LRP1B: variants seen among roughly 807,000 people sequenced by gnomAD.
The protein encoded by LRP1B is low-density lipoprotein receptor-related protein 1B.
In LRP1B, 217 loss-of-function variants were observed where a neutral mutation model predicts 556.6. That is an observed-to-expected ratio of 0.39 (90% CI 0.35 to 0.44). The LOEUF (loss-of-function observed/expected upper bound fraction) is 0.44. Ranked by LOEUF, LRP1B falls within the 20% of genes least tolerant of loss-of-function variation. LRP1B has a pLI of 1.00. For missense variants in LRP1B, 5,053 were observed against 5,620.8 expected (o/e 0.90, Z 3.23); for synonymous variants, 2,047 against 1,865.8 (o/e 1.10, Z -2.50).
chr2:140,480,814 G>C (rs1300640555), intron 59 of LRP1B, among the ~76,000 whole-genome samples: 5 of 152,136 alleles, frequency 3.3e-5, no homozygotes, highest in Admixed American at 1.3e-4. Context: ...AGGCATGCTG[G>C]TAACGATCTA....
chr2:141,329,371 A>G (rs998641368), intron 3 of LRP1B, among the ~76,000 whole-genome samples: 6 of 138,116 alleles, frequency 4.3e-5, no homozygotes, highest in African/African-American at 1.7e-4. Context: ...CTGGGGGACA[A>G]GAGCAAAACT....
intron 7 of LRP1B, among the ~76,000 whole-genome samples, chr2:141,175,128 G>T (rs1035946395): frequency 3.3e-5 from 5 of 152,080 alleles, no homozygotes; most frequent in African/African-American, 1.2e-4. Context: ...GTGTGAGTTT[G>T]TATGTGTGAA....
chr2:141,450,775 A>G (rs529935147), intron 3 of LRP1B, among the ~76,000 whole-genome samples: 1 of 152,218 alleles, frequency 6.6e-6, no homozygotes, highest in Admixed American at 6.5e-5. Flanking sequence ...TCTACTTGGT[A>G]AAAGATAACT....
chr2:141,397,587 T>C (rs1559048494), intron 3 of LRP1B, among the ~76,000 whole-genome samples: 1 of 152,066 alleles, frequency 6.6e-6, no homozygotes, highest in African/African-American at 2.4e-5. Flanking sequence ...AAAAGGCAAC[T>C]ATTATATTCA....
chr2:141,897,412 G>A (rs999652541), intron 1 of LRP1B, among the ~76,000 whole-genome samples: 4 of 152,144 alleles, frequency 2.6e-5, no homozygotes, highest in Non-Finnish European at 5.9e-5. Flanking sequence ...GCCTCATCAA[G>A]TAGTACCAGG....
chr2:141,232,555 G>A (rs1438862399), intron 5 of LRP1B, among the ~76,000 whole-genome samples: 2 of 152,184 alleles, frequency 1.3e-5, no homozygotes, highest in Non-Finnish European at 2.9e-5. Context: ...AGATGCAAAT[G>A]GGTTCATGGT....
At chr2:141,092,480 G>C (rs1388610371) in intron 7 of LRP1B, among the ~76,000 whole-genome samples, 2 of 152,172 alleles carry the variant, frequency 1.3e-5, no homozygotes, top group Non-Finnish European at 2.9e-5. Flanking sequence ...CTGAAAGTCA[G>C]GGAAGAGGTC....
At position 142,049,333 on chromosome 2, in the gene LRP1B, A is replaced by G. The variant is rs191503407; in HGVS notation, c.82+81315T>C. Among the ~76,000 whole-genome samples the G allele has an allele frequency of 3.0e-3, 454 of 152,216 alleles. 3 individuals are homozygous for G. Among genetic ancestry groups the G allele is most frequent in the African/African-American group, 9.7e-3 (403 of 41,568 alleles). On this transcript the variant is annotated intron_variant, in intron 1 of 90. Coordinates refer to ENST00000389484, the MANE Select transcript of LRP1B (RefSeq NM_018557.3). ...TTGTCTGAATTTTTCTTTTCTTTCC[A>G]CTACTCTTATATCTTGCTTACATCC...
chr2:141,339,304 A>AAAAAAG (rs200901134), intron 3 of LRP1B, among the ~76,000 whole-genome samples: 5 of 101,932 alleles, frequency 4.9e-5, no homozygotes, highest in African/African-American at 1.3e-4. Flanking sequence ...GTAACGCAAA[A>AAAAAAG]AAAAAAAAAA....
intron 6 of LRP1B, among the ~76,000 whole-genome samples, chr2:141,204,402 A>G (rs1682179530): frequency 6.6e-6 from 1 of 152,110 alleles, no homozygotes; most frequent in Non-Finnish European, 1.5e-5. Context: ...GATATGAGAG[A>G]AATCCGGATT....
intron 2 of LRP1B, among the ~76,000 whole-genome samples, chr2:141,707,092 C>T (rs898549289): frequency 2.0e-5 from 3 of 151,996 alleles, no homozygotes; most frequent in African/African-American, 4.8e-5. Context: ...GAATGTCTAC[C>T]GGCATTAGGA....
intron 3 of LRP1B, among the ~76,000 whole-genome samples, chr2:141,362,049 A>C (rs1305963159): frequency 6.6e-6 from 1 of 152,198 alleles, no homozygotes; most frequent in Non-Finnish European, 1.5e-5. Context: ...CAAGAAGCCA[A>C]ATATATTTCC....
intron 6 of LRP1B, among the ~76,000 whole-genome samples, chr2:141,197,995 T>A: frequency 6.6e-6 from 1 of 152,172 alleles, no homozygotes; most frequent in Middle Eastern, 3.4e-3. Context: ...TATTGCCCCA[T>A]AAGTTGTGAT....
chr2:141,143,176 C>T (rs150761902), intron 7 of LRP1B, among the ~76,000 whole-genome samples: 3,787 of 152,062 alleles, frequency 0.025, 169 homozygotes, highest in African/African-American at 0.087. Flanking sequence ...TGATCCACCC[C>T]ACTCGGCCTC....
At chr2:141,009,740 T>C (rs1055405450) in intron 14 of LRP1B, among the ~76,000 whole-genome samples, 3 of 152,004 alleles carry the variant, frequency 2.0e-5, no homozygotes, top group Non-Finnish European at 2.9e-5. Flanking sequence ...GGGAACTTTA[T>C]ATTAAAAATA....
intron 2 of LRP1B, among the ~76,000 whole-genome samples, chr2:141,496,572 C>T (rs1683516085): frequency 6.6e-6 from 1 of 152,050 alleles, no homozygotes; most frequent in African/African-American, 2.4e-5. Flanking sequence ...ATGTCGCTTA[C>T]AGAAGAACAT....
chr2:140,755,045 A>C (rs1428234704), intron 35 of LRP1B, among the ~76,000 whole-genome samples: 1 of 136,256 alleles, frequency 7.3e-6, no homozygotes, highest in Non-Finnish European at 1.6e-5. Context: ...AATACCATGA[A>C]TAACTATATG....
chr2:140,974,317 A>G (rs923491520), intron 18 of LRP1B, among the ~76,000 whole-genome samples: 1 of 152,196 alleles, frequency 6.6e-6, no homozygotes. Context: ...AAGAATTCCT[A>G]TATTGGAAAA....
At chr2:141,966,377 T>C (rs934247676) in intron 1 of LRP1B, among the ~76,000 whole-genome samples, 11 of 151,828 alleles carry the variant, frequency 7.2e-5, no homozygotes, top group Admixed American at 5.9e-4. Context: ...TTTTAGACAG[T>C]GTTGTCTGTG....
Sources: allele counts gnomAD v4.1 joint callset (sites outside exome capture counted in the v4.1 genomes callset), GRCh38; gene constraint gnomAD v4.1.1; transcripts MANE v1.5; gene names NCBI Gene and HGNC (gene_info 2026-07-23, HGNC 2026-07-21).